Variants in GFOD1 observed in about 807,000 individuals in gnomAD.
GFOD1 encodes the protein glucose-fructose oxidoreductase domain-containing protein 1.
In GFOD1, 9 loss-of-function variants were observed where a neutral mutation model predicts 25.4. The ratio of observed to expected loss-of-function variants is 0.35; its 90% CI spans 0.21 to 0.62. The LOEUF is 0.62. Among genes scored for constraint, GFOD1 ranks in the 20% least tolerant of loss-of-function variants. The pLI is 0.72. For synonymous variants in GFOD1, 253 were observed against 245.6 expected, an observed-to-expected ratio of 1.03 and a Z score of -0.28; for missense variants, 403 against 556.9, an observed-to-expected ratio of 0.72 and a Z score of 2.78.
chr6:13,422,990 A>C (rs1179065825), intron 1 of GFOD1, among the ~76,000 whole-genome samples: 1 of 152,196 alleles, frequency 6.6e-6, no homozygotes, highest in African/African-American at 2.4e-5. Context: ...CTCATTTTAC[A>C]CACACATCCT....
intron 1 of GFOD1, among the ~76,000 whole-genome samples, chr6:13,484,645 G>T (rs991679680): frequency 2.0e-5 from 3 of 152,106 alleles, no homozygotes; most frequent in Non-Finnish European, 4.4e-5. Flanking sequence ...AAAGTCACAG[G>T]GATATTTGAA....
intron 1 of GFOD1, among the ~76,000 whole-genome samples, chr6:13,386,705 T>C (rs1481537557): frequency 1.3e-5 from 2 of 152,180 alleles, no homozygotes; most frequent in Non-Finnish European, 2.9e-5. Flanking sequence ...TATGGGCATG[T>C]GGCAGGTGTA....
At chr6:13,403,079 TTTTTG>T (rs534391528) in intron 1 of GFOD1, among the ~76,000 whole-genome samples, 7 of 152,062 alleles carry the variant, frequency 4.6e-5, no homozygotes, top group Non-Finnish European at 8.8e-5. Flanking sequence ...TGGTAGGGTT[TTTTTG>T]TTTTGTTGTG....
chr6:13,448,268 A>T (rs1230853611), intron 1 of GFOD1, among the ~76,000 whole-genome samples: 2 of 152,142 alleles, frequency 1.3e-5, no homozygotes, highest in Admixed American at 1.3e-4. Flanking sequence ...ACGCTAATGT[A>T]CTCGTTCATT....
chr6:13,423,448 A>G (rs1312193181), intron 1 of GFOD1, among the ~76,000 whole-genome samples: 1 of 152,188 alleles, frequency 6.6e-6, no homozygotes, highest in African/African-American at 2.4e-5. Context: ...CAGATTCCCA[A>G]TGACAGATGA....
chr6:13,471,553 C>T (rs1758506066), intron 1 of GFOD1, among the ~76,000 whole-genome samples: 1 of 152,202 alleles, frequency 6.6e-6, no homozygotes, highest in African/African-American at 2.4e-5. Flanking sequence ...TCCCACAGCA[C>T]ATCTTCTTCT....
At chr6:13,455,486 A>G (rs1300881086) in intron 1 of GFOD1, among the ~76,000 whole-genome samples, 1 of 152,164 alleles carries the variant, frequency 6.6e-6, no homozygotes, top group Non-Finnish European at 1.5e-5. Flanking sequence ...AGGTTATTCT[A>G]AAGAGAAAAT....
At chr6:13,416,325 A>G (rs1030955062) in intron 1 of GFOD1, among the ~76,000 whole-genome samples, 5 of 152,250 alleles carry the variant, frequency 3.3e-5, no homozygotes, top group African/African-American at 1.2e-4. Flanking sequence ...TAATACAGGG[A>G]GACAGCCAGA....
intron 1 of GFOD1, 41 bp downstream of exon 1, chr6:13,486,597 G>A (rs766119127): frequency 1.3e-6 from 2 of 1,568,462 alleles, no homozygotes; most frequent in South Asian, 2.2e-5. Flanking sequence ...AAGGTTAAAG[G>A]GCGGGGGTGG....
chr6:13,401,078 G>A (rs1258178561), intron 1 of GFOD1, among the ~76,000 whole-genome samples: 1 of 152,212 alleles, frequency 6.6e-6, no homozygotes, highest in East Asian at 1.9e-4. Flanking sequence ...TCTATAAAGT[G>A]AGGTGCGAGA....
At chr6:13,428,514 CGATG>C (rs1757685437) in intron 1 of GFOD1, among the ~76,000 whole-genome samples, 3 of 110,892 alleles carry the variant, frequency 2.7e-5, no homozygotes, top group Non-Finnish European at 4.8e-5. Flanking sequence ...CAGTGCGATG[CGATG>C]CGCTGGCTTT....
At chr6:13,366,989 T>C (rs1785060332) in intron 1 of GFOD1, among the ~76,000 whole-genome samples, 2 of 151,952 alleles carry the variant, frequency 1.3e-5, no homozygotes, top group Admixed American at 6.6e-5. Flanking sequence ...TTTTATGTTA[T>C]TTAAATACAA....
At position 13,483,600 on chromosome 6, in the gene GFOD1, C is replaced by T. The variant is rs76426521; in HGVS notation, c.253+3038G>A. ...GGACTGGAACCTAGTTCAGAAACTA[C>T]GAAAGGACCTGACTTCTATGGGGAA... is the stretch of plus-strand genomic sequence containing the variant. On this transcript the variant is annotated intron_variant, in intron 1 of 1. Coordinates refer to ENST00000379287, the MANE Select transcript of GFOD1 (RefSeq NM_018988.4). Among the ~76,000 whole-genome samples, 80 of 152,210 alleles carry T rather than the reference C, an allele frequency of 5.3e-4. No individual in the cohort carries two copies. The East Asian group carries it at 0.015, about 29-fold the overall frequency.
At chr6:13,427,476 A>G (rs1757659527) in intron 1 of GFOD1, among the ~76,000 whole-genome samples, 1 of 152,080 alleles carries the variant, frequency 6.6e-6, no homozygotes. Flanking sequence ...CCTGGGCAAT[A>G]TGGTGAAATC....
intron 1 of GFOD1, among the ~76,000 whole-genome samples, chr6:13,420,071 T>C (rs1350757368): frequency 6.6e-6 from 1 of 152,194 alleles, no homozygotes; most frequent in Non-Finnish European, 1.5e-5. Context: ...CCCTCTGGTG[T>C]CTGAGACAAT....
Position 13,415,766 on chromosome 6 carries a change from A to C in GFOD1, c.254-50104T>G, listed in dbSNP as rs1786152843. On this transcript the variant is annotated intron_variant, in intron 1 of 1. Coordinates refer to ENST00000379287, the MANE Select transcript of GFOD1 (RefSeq NM_018988.4). ...ATGTGAAGCACATAGAGTTTGAGCCATGATGGCCATCCGCCTAACTGACCA... is the reference window on the plus strand; with the variant it reads ...ATGTGAAGCACATAGAGTTTGAGCCCTGATGGCCATCCGCCTAACTGACCA... 3.9e-5 allele frequency among the ~76,000 whole-genome samples: 6 copies of C among 152,250 alleles called. No individual in the cohort carries two copies. The South Asian group carries it at 1.2e-3, about 31-fold the overall frequency.
At position 13,365,013 on chromosome 6, in the gene GFOD1, G is replaced by A; in HGVS notation, c.903C>T (p.Pro301=). ...PEKAFSDIPS[P]YLRGTIKMMQ... ...TCATCTTGATGGTGCCGCGCAGGTA[G>A]GGCGAGGGGATGTCGCTGAAGGCCT... is the stretch of plus-strand genomic sequence containing the variant. Residue 301 remains proline, a synonymous_variant, in exon 2 of 2, where the codon CCC becomes CCT. Transcript: ENST00000379287. The surrounding 1 kb of genome is among the most constrained non-coding windows in gnomAD (Gnocchi z 9.2). 1 of 1,610,290 alleles carries A rather than the reference G, an allele frequency of 6.2e-7. No individual in the cohort carries two copies.
intron 1 of GFOD1, among the ~76,000 whole-genome samples, chr6:13,392,015 C>G (rs1021907237): frequency 3.3e-5 from 5 of 152,084 alleles, no homozygotes; most frequent in African/African-American, 1.2e-4. Context: ...ATTTGTAGAC[C>G]AGGGACTACT....
At chr6:13,467,750 G>A (rs1346088619) in intron 1 of GFOD1, among the ~76,000 whole-genome samples, 1 of 152,138 alleles carries the variant, frequency 6.6e-6, no homozygotes, top group Non-Finnish European at 1.5e-5. Context: ...TGGGTTTTGG[G>A]CACACAAGGT....
Sources: allele counts gnomAD v4.1 joint callset (sites outside exome capture counted in the v4.1 genomes callset), GRCh38; gene constraint gnomAD v4.1.1; non-coding constraint Gnocchi (gnomAD v3.1); transcripts MANE v1.5; gene names NCBI Gene and HGNC (gene_info 2026-07-23, HGNC 2026-07-21).